The following LRP1B variants were observed in gnomAD, a reference collection of about 807,000 sequenced individuals.
LRP1B encodes low-density lipoprotein receptor-related protein 1B.
Under a neutral mutation model 556.6 loss-of-function variants are expected in LRP1B, and 217 were observed. The ratio of observed to expected loss-of-function variants is 0.39; its 90% CI spans 0.35 to 0.44. The LOEUF is 0.44. Among genes scored for constraint, LRP1B ranks in the 20% least tolerant of loss-of-function variants. LRP1B has a pLI of 1.00. For missense variants in LRP1B, 5,053 were observed against 5,620.8 expected (o/e 0.90, Z 3.23); for synonymous variants, 2,047 against 1,865.8 (o/e 1.10, Z -2.50).
At chr2:140,379,429 C>A (rs1683375195) in intron 67 of LRP1B, among the ~76,000 whole-genome samples, 1 of 152,156 alleles carries the variant, frequency 6.6e-6, no homozygotes, top group Non-Finnish European at 1.5e-5. Context: ...GGCACGGTGG[C>A]TCACGCCTGT....
chr2:141,045,478 G>T (rs1312562948), intron 11 of LRP1B, among the ~76,000 whole-genome samples: 2 of 151,482 alleles, frequency 1.3e-5, no homozygotes, highest in African/African-American at 4.8e-5. Context: ...CATCTATCTT[G>T]TTCTGTTAGA....
chr2:140,950,643 C>A (rs1330166689), intron 19 of LRP1B, among the ~76,000 whole-genome samples: 2 of 151,958 alleles, frequency 1.3e-5, no homozygotes, highest in South Asian at 2.1e-4. Context: ...TGTCACCACA[C>A]CCAGCTAATT....
chr2:141,983,807 T>C (rs1702109609), intron 1 of LRP1B, among the ~76,000 whole-genome samples: 1 of 152,160 alleles, frequency 6.6e-6, no homozygotes, highest in Non-Finnish European at 1.5e-5. Flanking sequence ...ACGCCTGCAA[T>C]CCCAGCACTT....
At chr2:141,154,951 A>T (rs1287561819) in intron 7 of LRP1B, among the ~76,000 whole-genome samples, 1 of 152,082 alleles carries the variant, frequency 6.6e-6, no homozygotes, top group South Asian at 2.1e-4. Context: ...GGGCTCCCAG[A>T]ATTAAATAAT....
intron 41 of LRP1B, among the ~76,000 whole-genome samples, chr2:140,697,414 A>C (rs975019571): frequency 6.6e-6 from 1 of 151,884 alleles, no homozygotes; most frequent in African/African-American, 2.4e-5. Context: ...ATATGAATAT[A>C]TATATACATA....
At chr2:141,905,765 ATGTGTGTGTGTGTG>A (rs56309590) in intron 1 of LRP1B, among the ~76,000 whole-genome samples, 4 of 100,190 alleles carry the variant, frequency 4.0e-5, no homozygotes, top group African/African-American at 1.4e-4. Context: ...GTTTGAATAG[ATGTGTGTGTGTGTG>A]TGTGTGTGTG....
intron 43 of LRP1B, among the ~76,000 whole-genome samples, chr2:140,554,893 T>G (rs1414206285): frequency 6.6e-6 from 1 of 151,648 alleles, no homozygotes; most frequent in Non-Finnish European, 1.5e-5. Flanking sequence ...TGTATATGTA[T>G]ATGAACTACT....
At chr2:141,662,019 C>T (rs1267931840) in intron 2 of LRP1B, among the ~76,000 whole-genome samples, 4 of 152,130 alleles carry the variant, frequency 2.6e-5, no homozygotes, top group Non-Finnish European at 5.9e-5. Flanking sequence ...AGATTAGGGG[C>T]CAATTTTAGA....
intron 2 of LRP1B, among the ~76,000 whole-genome samples, chr2:141,566,003 T>C (rs758683943): frequency 1.3e-5 from 2 of 152,090 alleles, no homozygotes; most frequent in Non-Finnish European, 2.9e-5. Context: ...GGTTGTAACT[T>C]GCCTAAAGGT....
At position 141,882,358 on chromosome 2, in the gene LRP1B, C is replaced by T. The variant is rs979308543; in HGVS notation, c.83-71957G>A. Among the ~76,000 whole-genome samples the T allele has an allele frequency of 2.6e-5, 4 of 152,056 alleles. No homozygotes were observed. In the East Asian group the frequency reaches 5.8e-4, roughly 22 times the overall value. ...AAAATCATAAAAAATTTGAAGATTACGACAACAGAACATTAAACCCTAATA... is the reference window on the plus strand; with the variant it reads ...AAAATCATAAAAAATTTGAAGATTATGACAACAGAACATTAAACCCTAATA... On this transcript the variant is annotated intron_variant, in intron 1 of 90. Transcript: ENST00000389484.
chr2:140,894,131 T>C (rs2105207214), intron 23 of LRP1B, among the ~76,000 whole-genome samples: 1 of 152,314 alleles, frequency 6.6e-6, no homozygotes, highest in Middle Eastern at 3.4e-3. Context: ...TTCATTCCCC[T>C]GGTGGCTTCA....
intron 1 of LRP1B, among the ~76,000 whole-genome samples, chr2:142,007,930 G>A (rs1289635324): frequency 6.6e-6 from 1 of 152,134 alleles, no homozygotes. Context: ...TGTTAGGAGA[G>A]TTAAACGGTA....
intron 3 of LRP1B, among the ~76,000 whole-genome samples, chr2:141,295,789 A>ACACACACG (rs1300096216): frequency 7.0e-6 from 1 of 143,496 alleles, no homozygotes; most frequent in African/African-American, 2.5e-5. Context: ...ACACACACAC[A>ACACACACG]CATAACAGTG....
At chr2:140,588,113 TAAA>T (rs1404207347) in intron 43 of LRP1B, among the ~76,000 whole-genome samples, 1 of 152,064 alleles carries the variant, frequency 6.6e-6, no homozygotes, top group Admixed American at 6.6e-5. Context: ...AGTAAGCAAT[TAAA>T]GAAGAAGCCT....
chr2:141,904,478 T>C lies in LRP1B; in HGVS notation c.83-94077A>G, dbSNP rs573159480. Among the ~76,000 whole-genome samples the C allele has an allele frequency of 2.6e-5, 4 of 152,042 alleles. No individual in the cohort carries two copies. In the South Asian group the frequency reaches 8.3e-4, roughly 32 times the overall value. On this transcript the variant is annotated intron_variant, in intron 1 of 90. Coordinates refer to ENST00000389484, the MANE Select transcript of LRP1B (RefSeq NM_018557.3). ...GAGGGCTTCTGGAGGGCATACGATT[T>C]GGAGCTTGGATGTCTAAGTGCTTTC...
At chr2:141,899,462 G>A (rs1030329572) in intron 1 of LRP1B, among the ~76,000 whole-genome samples, 7 of 152,060 alleles carry the variant, frequency 4.6e-5, no homozygotes, top group African/African-American at 1.4e-4. Flanking sequence ...AAAAGAAATT[G>A]CCAAGTTTAT....
At chr2:141,986,745 G>A (rs1179033910) in intron 1 of LRP1B, among the ~76,000 whole-genome samples, 4 of 152,034 alleles carry the variant, frequency 2.6e-5, no homozygotes, top group Admixed American at 6.6e-5. Context: ...GAATGGAAAC[G>A]TGAGTTCTTT....
At chr2:140,433,456 T>C (rs1686040361) in intron 66 of LRP1B, among the ~76,000 whole-genome samples, 1 of 152,204 alleles carries the variant, frequency 6.6e-6, no homozygotes, top group Non-Finnish European at 1.5e-5. Flanking sequence ...TTCTAATATT[T>C]AAAAATAAAT....
intron 3 of LRP1B, among the ~76,000 whole-genome samples, chr2:141,393,843 G>A (rs183089708): frequency 2.6e-4 from 40 of 152,220 alleles, no homozygotes; most frequent in Non-Finnish European, 4.6e-4. Flanking sequence ...TGCTTTATAC[G>A]TGTGTGTTAT....
Sources: allele counts gnomAD v4.1 joint callset (sites outside exome capture counted in the v4.1 genomes callset), GRCh38; gene constraint gnomAD v4.1.1; transcripts MANE v1.5; gene names NCBI Gene and HGNC (gene_info 2026-07-23, HGNC 2026-07-21).